The following ACAD10 variants were observed in gnomAD, a reference collection of about 807,000 sequenced individuals.
ACAD10 encodes acyl-CoA dehydrogenase family member 10, also known as ACAD-10.
ACAD10 carries 112 observed loss-of-function variants against 116.8 expected under a neutral mutation model. The ratio of observed to expected loss-of-function variants is 0.96; its 90% CI spans 0.82 to 1.12. The LOEUF (loss-of-function observed/expected upper bound fraction) is 1.12, where lower values mean the gene tolerates loss of function less well. Among genes scored for constraint, ACAD10 ranks in the 50% most tolerant of loss-of-function variants. ACAD10 has a pLI of 0.00. For missense variants in ACAD10, 1,259 were observed against 1,350.2 expected, an observed-to-expected ratio of 0.93 and a Z score of 1.06; for synonymous variants, 486 against 510.6, an observed-to-expected ratio of 0.95 and a Z score of 0.65.
Position 111,692,752 on chromosome 12 carries a change from G to C in ACAD10, c.43G>C (p.Val15Leu), listed in dbSNP as rs770092378. 2 of 1,614,182 alleles carry C rather than the reference G, an allele frequency of 1.2e-6. No individual in the cohort carries two copies. The highest frequency in any genetic ancestry group is 3.3e-5 in the Admixed American group (2 of 60,012). ...TTTCCAGTCCCCCCGTCTCCAGTGG[G>C]TGTGGAGAACAGCCTTCCTGAAACA... ...SCFQSPRLQWVWRTAFLKHTQ... is the reference protein window; with the variant it reads ...SCFQSPRLQWLWRTAFLKHTQ... The change falls in exon 2 of 21, where the codon GTG (valine) becomes CTG (leucine). Residue 15 changes from valine to leucine, a missense_variant. By Grantham distance (32) the Val-to-Leu change is conservative. Transcript: ENST00000313698.
At chr12:111,725,968 T>C (rs1889202485) in intron 8 of ACAD10, among the ~76,000 whole-genome samples, 1 of 152,112 alleles carries the variant, frequency 6.6e-6, no homozygotes, top group African/African-American at 2.4e-5. Context: ...CTTGAAACAT[T>C]TGTAATGGTA....
intron 3 of ACAD10, among the ~76,000 whole-genome samples, 173 bp downstream of exon 3, chr12:111,702,483 C>T (rs1465757886): frequency 6.6e-6 from 1 of 152,170 alleles, no homozygotes; most frequent in African/African-American, 2.4e-5. Flanking sequence ...ATAATCCCAG[C>T]ACTTTGGGAG....
chr12:111,732,425 C>T (rs575514627), intron 10 of ACAD10, among the ~76,000 whole-genome samples: 2 of 152,048 alleles, frequency 1.3e-5, no homozygotes, highest in Non-Finnish European at 2.9e-5. Context: ...TATATAGGTA[C>T]AGGTATAGAT....
chr12:111,740,739 T>C (rs115544233), intron 12 of ACAD10, among the ~76,000 whole-genome samples: 1 of 144,732 alleles, frequency 6.9e-6, no homozygotes, highest in South Asian at 2.2e-4. Context: ...CCGAGATTGC[T>C]TCACTGTTCA....
rs780203721 is a variant in ACAD10, at chr12:111,753,754, C to A, written c.2818-18C>A. 6.2e-7 allele frequency: 1 copy of A among 1,613,798 alleles called. No homozygotes were observed. Among genetic ancestry groups the A allele is most frequent in the Non-Finnish European group, 8.5e-7 (1 of 1,179,992 alleles). On this transcript the variant is annotated intron_variant, in intron 18 of 20. Transcript: ENST00000313698. ...CCAGCCCAGCATGTCCTCAGCCGCACATCTCCTGTGTCGACAGGTGAAGTC... is the reference window on the plus strand; with the variant it reads ...CCAGCCCAGCATGTCCTCAGCCGCAAATCTCCTGTGTCGACAGGTGAAGTC...
intron 11 of ACAD10, among the ~76,000 whole-genome samples, chr12:111,736,556 T>G (rs932012363): frequency 2.0e-5 from 3 of 152,162 alleles, no homozygotes; most frequent in Admixed American, 1.3e-4. Context: ...CATCCACCCT[T>G]AACTGTGGCC....
At chr12:111,687,622 A>G (rs1593007827) in intron 1 of ACAD10, among the ~76,000 whole-genome samples, 3 of 152,312 alleles carry the variant, frequency 2.0e-5, no homozygotes, top group Admixed American at 6.5e-5. Context: ...GTATATTACT[A>G]TAGTAGATAA....
intron 8 of ACAD10, among the ~76,000 whole-genome samples, chr12:111,723,120 C>T (rs1280694218): frequency 5.5e-5 from 8 of 145,094 alleles, no homozygotes; most frequent in East Asian, 4.3e-4. Context: ...ACCTCCCAGA[C>T]GGGGCGGCTA....
At chr12:111,730,075 CT>C in intron 10 of ACAD10, 119 bp downstream of exon 10, 1 of 1,375,874 alleles carries the variant, frequency 7.3e-7, no homozygotes, top group South Asian at 1.4e-5. Flanking sequence ...AAGCACCTGT[CT>C]GTGTGTGGCC....
chr12:111,752,223 T>TG (rs1391955777), intron 18 of ACAD10, among the ~76,000 whole-genome samples: 1 of 150,732 alleles, frequency 6.6e-6, no homozygotes, highest in Non-Finnish European at 1.5e-5. Flanking sequence ...ACACCCTGTC[T>TG]GGGAAAAAAA....
intron 8 of ACAD10, among the ~76,000 whole-genome samples, chr12:111,723,561 A>C (rs1272636658): frequency 3.1e-5 from 3 of 97,478 alleles, no homozygotes; most frequent in East Asian, 2.9e-4. Flanking sequence ...GGCGCCCCTC[A>C]CCTCCCGGAC....
Position 111,749,186 on chromosome 12 carries a change from A to C in ACAD10, c.2658A>C (p.Glu886Asp). The change falls in exon 18 of 21, where the codon GAA becomes GAC. Residue 886 changes from glutamate to aspartate, a missense_variant. Physicochemically the swap from Glu to Asp is conservative, Grantham distance 45. Coordinates refer to ENST00000313698, the MANE Select transcript of ACAD10 (RefSeq NM_025247.6). ...TGGGTCTTTCAGGTGGCCATGGTGAAGTCCGATTTGAGCACGTGCGTGTGC... is the reference window on the plus strand; with the variant it reads ...TGGGTCTTTCAGGTGGCCATGGTGACGTCCGATTTGAGCACGTGCGTGTGC... ...GLEDAPGGHG[E>D]VRFEHVRVPK... is the part of the protein sequence containing the mutation. 6.2e-7 allele frequency: 1 copy of C among 1,613,062 alleles called. No individual in the cohort carries two copies. The highest frequency in any genetic ancestry group is 8.5e-7 in the Non-Finnish European group (1 of 1,179,108).
chr12:111,694,485 A>C (rs917036840), intron 2 of ACAD10, among the ~76,000 whole-genome samples: 3 of 151,864 alleles, frequency 2.0e-5, no homozygotes, highest in Admixed American at 2.0e-4. Context: ...CTGGCACAAC[A>C]GTCTTTTTTA....
At chr12:111,737,787 G>A (rs555808825) in intron 12 of ACAD10, among the ~76,000 whole-genome samples, 98 of 152,102 alleles carry the variant, frequency 6.4e-4, no homozygotes, top group African/African-American at 2.3e-3. Flanking sequence ...GAATTTCTGT[G>A]AAATATGTGT....
rs745450475 is a variant in ACAD10 at position 111,692,739 on chromosome 12, C to G, written c.30C>G (p.Pro10=). 6.2e-7 allele frequency: 1 copy of G among 1,614,032 alleles called. No homozygotes were observed. The highest frequency in any genetic ancestry group is 8.5e-7 in the Non-Finnish European group (1 of 1,180,020). MCVRSCFQS[P]RLQWVWRTAF... The stretch of plus-strand genomic sequence containing the variant: ...GTGTCAGGAGCTGTTTCCAGTCCCC[C>G]CGTCTCCAGTGGGTGTGGAGAACAG... Residue 10 remains proline (P), a synonymous_variant, in exon 2 of 21, where the codon CCC becomes CCG. Transcript: ENST00000313698.
At chr12:111,716,089 G>A (rs1027713229) in intron 7 of ACAD10, 127 bp downstream of exon 7, 18 of 1,347,298 alleles carry the variant, frequency 1.3e-5, no homozygotes, top group Admixed American at 2.1e-5. Context: ...TTATGGGCCA[G>A]GCTTGGTGGG....
chr12:111,717,754 CT>C (rs1326713340), intron 7 of ACAD10, among the ~76,000 whole-genome samples: 1 of 151,990 alleles, frequency 6.6e-6, no homozygotes, highest in African/African-American at 2.4e-5. Context: ...GAGATGGGGC[CT>C]CACTATATTG....
intron 1 of ACAD10, among the ~76,000 whole-genome samples, chr12:111,688,781 G>A (rs369524390): frequency 2.6e-5 from 4 of 151,266 alleles, no homozygotes; most frequent in African/African-American, 4.9e-5. Flanking sequence ...CAGCCTGGGC[G>A]ACAGAGCAAG....
chr12:111,741,444 CCTGT>C (rs1846585588), intron 12 of ACAD10, among the ~76,000 whole-genome samples: 1 of 152,194 alleles, frequency 6.6e-6, no homozygotes, highest in African/African-American at 2.4e-5. Flanking sequence ...GTGTCCTCAG[CCTGT>C]CTCTCAGGAA....
Sources: gnomAD v4.1 joint callset for allele counts (sites outside exome capture counted in the v4.1 genomes callset) on GRCh38, gnomAD v4.1.1 for gene constraint, MANE v1.5 for transcripts, NCBI Gene and HGNC (gene_info 2026-07-23, HGNC 2026-07-21) for gene names.